Variants in NPEPPS observed in about 807,000 individuals in gnomAD.
The protein encoded by NPEPPS is aminopeptidase puromycin sensitive.
Under a neutral mutation model 115.5 loss-of-function variants are expected in NPEPPS, and 14 were observed. That is an observed-to-expected ratio of 0.12 (90% CI 0.08 to 0.19). The LOEUF (loss-of-function observed/expected upper bound fraction) is 0.19, where lower values mean the gene tolerates loss of function less well. Among genes scored for constraint, NPEPPS ranks in the 10% least tolerant of loss-of-function variants. NPEPPS has a pLI of 1.00. For synonymous variants in NPEPPS, 285 were observed against 390.6 expected (o/e 0.73, Z 3.19); for missense variants, 523 against 1,110.8 (o/e 0.47, Z 7.52).
intron 22 of NPEPPS, among the ~76,000 whole-genome samples, chr17:47,620,914 G>A (rs981975867): frequency 2.0e-5 from 3 of 152,172 alleles, no homozygotes; most frequent in Non-Finnish European, 2.9e-5. Flanking sequence ...TATTAAAAAT[G>A]TTGGATTCCT....
chr17:47,614,536 C>T (rs1404380601), intron 19 of NPEPPS, among the ~76,000 whole-genome samples: 1 of 152,138 alleles, frequency 6.6e-6, no homozygotes, highest in African/African-American at 2.4e-5. Flanking sequence ...CTCTAGTTTT[C>T]CCAGAGTAAT....
intron 22 of NPEPPS, among the ~76,000 whole-genome samples, chr17:47,620,861 G>A (rs768880169): frequency 3.9e-5 from 6 of 152,148 alleles, no homozygotes; most frequent in African/African-American, 9.7e-5. Context: ...TAATCATTAA[G>A]CATTGTGATA....
intron 2 of NPEPPS, among the ~76,000 whole-genome samples, chr17:47,556,073 C>CTTTTT (rs747406184): frequency 2.5e-5 from 2 of 80,730 alleles, no homozygotes; most frequent in Non-Finnish European, 5.1e-5. Flanking sequence ...AAGCAATTCT[C>CTTTTT]TTTTTTTTTT....
chr17:47,579,015 A>G (rs570924090), intron 3 of NPEPPS, among the ~76,000 whole-genome samples: 3 of 152,338 alleles, frequency 2.0e-5, no homozygotes, highest in Non-Finnish European at 2.9e-5. Flanking sequence ...AATGAGGACA[A>G]TATCTACTTC....
intron 2 of NPEPPS, among the ~76,000 whole-genome samples, chr17:47,558,500 G>T (rs1271814637): frequency 6.6e-6 from 1 of 152,070 alleles, no homozygotes; most frequent in Non-Finnish European, 1.5e-5. Flanking sequence ...CTAGATCTCG[G>T]CTCACTGCAA....
At chr17:47,585,210 A>G (rs776946536) in intron 5 of NPEPPS, among the ~76,000 whole-genome samples, 2 of 152,142 alleles carry the variant, frequency 1.3e-5, no homozygotes, top group Admixed American at 6.6e-5. Context: ...AATCATCCCA[A>G]TGCCTGGCTT....
In NPEPPS at chr17:47,621,867, G is replaced by A. The variant is rs746245242; in HGVS notation, c.2707G>A (p.Glu903Lys). ...LNAAWLKRDAESIHQYLLQRK... is the reference protein window; with the variant it reads ...LNAAWLKRDAKSIHQYLLQRK... Reference sequence around the variant, plus strand: ...TGCTGCCTGGCTAAAGCGAGATGCTGAGAGCATCCACCAGTACCTCCTTCA... The same window carrying A: ...TGCTGCCTGGCTAAAGCGAGATGCTAAGAGCATCCACCAGTACCTCCTTCA... Residue 903 changes from glutamate (E) to lysine (K), a missense_variant, in exon 23 of 23, where the codon GAG becomes AAG. Glu to Lys is a moderately conservative substitution (Grantham distance 56, BLOSUM62 1). Coordinates refer to ENST00000322157, the MANE Select transcript of NPEPPS (RefSeq NM_006310.4). 6.2e-7 allele frequency: 1 copy of A among 1,613,900 alleles called. No individual in the cohort carries two copies. Among genetic ancestry groups the A allele is most frequent in the Non-Finnish European group, 8.5e-7 (1 of 1,179,824 alleles).
intron 14 of NPEPPS, 105 bp downstream of exon 14, chr17:47,599,844 G>A (rs1443366658): frequency 5.6e-6 from 5 of 885,240 alleles, no homozygotes; most frequent in African/African-American, 5.2e-5. Flanking sequence ...TTTTTGAGGA[G>A]TCTCACTCTG....
At chr17:47,604,358 T>A (rs1248593077) in intron 16 of NPEPPS, among the ~76,000 whole-genome samples, 2 of 152,226 alleles carry the variant, frequency 1.3e-5, no homozygotes, top group Non-Finnish European at 2.9e-5. Flanking sequence ...TGATAGGTTT[T>A]TAAAATAATT....
At chr17:47,532,313 G>A (rs1597804624) in intron 1 of NPEPPS, among the ~76,000 whole-genome samples, 1 of 152,226 alleles carries the variant, frequency 6.6e-6, no homozygotes, top group East Asian at 1.9e-4. Context: ...GGCCTTCGAA[G>A]CTGGTGGATT....
At chr17:47,566,878 C>A (rs1295865357) in intron 2 of NPEPPS, among the ~76,000 whole-genome samples, 4 of 152,064 alleles carry the variant, frequency 2.6e-5, no homozygotes, top group Non-Finnish European at 5.9e-5. Flanking sequence ...AGTTTGAGAC[C>A]AGGCTGGACA....
At chr17:47,611,312 T>C (rs1183103561) in intron 17 of NPEPPS, among the ~76,000 whole-genome samples, 1 of 151,708 alleles carries the variant, frequency 6.6e-6, no homozygotes, top group African/African-American at 2.4e-5. Context: ...ATGCAAAAAT[T>C]AGCCGGGCGT....
intron 18 of NPEPPS, among the ~76,000 whole-genome samples, 183 bp from the exon 19 acceptor site, chr17:47,613,485 TG>T (rs1260320857): frequency 2.6e-5 from 4 of 152,254 alleles, no homozygotes; most frequent in African/African-American, 9.6e-5. Context: ...CAGGCTGGCC[TG>T]GAACTGCTGA....
chr17:47,559,166 C>G (rs1910265501), intron 2 of NPEPPS, among the ~76,000 whole-genome samples: 1 of 152,166 alleles, frequency 6.6e-6, no homozygotes, highest in South Asian at 2.1e-4. Context: ...ACCTCAGCCT[C>G]CTGAGTAGCT....
chr17:47,570,543 T>C (rs1293947690), intron 3 of NPEPPS, among the ~76,000 whole-genome samples: 2 of 152,214 alleles, frequency 1.3e-5, no homozygotes, highest in African/African-American at 4.8e-5. Flanking sequence ...TATTGTGTTA[T>C]TGAGGGCACA....
chr17:47,525,345 G>T (rs1186370671), intron 1 of NPEPPS, among the ~76,000 whole-genome samples: 1 of 152,042 alleles, frequency 6.6e-6, no homozygotes, highest in Non-Finnish European at 1.5e-5. Flanking sequence ...CTAGTGTTTT[G>T]TTTTTGTTTT....
chr17:47,576,122 A>G (rs992243195), intron 3 of NPEPPS, among the ~76,000 whole-genome samples: 2 of 152,176 alleles, frequency 1.3e-5, no homozygotes, highest in African/African-American at 4.8e-5. Context: ...TTATACAGCT[A>G]AGTAAAACCT....
At chr17:47,600,845 C>CT (rs1292934944) in intron 14 of NPEPPS, among the ~76,000 whole-genome samples, 3 of 152,164 alleles carry the variant, frequency 2.0e-5, no homozygotes, top group East Asian at 1.9e-4. Flanking sequence ...TGTATCCTGT[C>CT]TATCACAACA....
intron 22 of NPEPPS, 89 bp downstream of exon 22, chr17:47,619,873 T>G (rs1186574525): frequency 2.0e-6 from 2 of 1,008,804 alleles, no homozygotes; most frequent in Non-Finnish European, 3.1e-6. Context: ...GATAATGTAC[T>G]GTAGCATCTC....
Sources: gnomAD v4.1 joint callset for allele counts (sites outside exome capture counted in the v4.1 genomes callset) on GRCh38, gnomAD v4.1.1 for gene constraint, MANE v1.5 for transcripts, NCBI Gene and HGNC (gene_info 2026-07-23, HGNC 2026-07-21) for gene names.